HAO1: variants seen among roughly 807,000 people sequenced by gnomAD.
HAO1 encodes hydroxyacid oxidase 1.
A neutral mutation model predicts 39.7 loss-of-function variants in HAO1; 34 were observed. That is an observed-to-expected ratio of 0.86 (90% CI 0.65 to 1.14). The LOEUF (loss-of-function observed/expected upper bound fraction) is 1.14. Ranked by LOEUF, HAO1 falls within the 50% of genes most tolerant of loss-of-function variation. The pLI, the probability that HAO1 is intolerant of heterozygous loss-of-function variation, is 0.00. For missense variants in HAO1, 479 were observed against 464.5 expected (o/e 1.03, Z -0.29); for synonymous variants, 172 against 173.2 (o/e 0.99, Z 0.05).
intron 2 of HAO1, among the ~76,000 whole-genome samples, chr20:7,930,686 T>C (rs2050381658): frequency 6.6e-6 from 1 of 152,148 alleles, no homozygotes; most frequent in Non-Finnish European, 1.5e-5. Context: ...TGGGTGACCA[T>C]ATTAGAAAAT....
In HAO1 at chr20:7,934,503, G is replaced by T. The variant is rs781768356; in HGVS notation, c.270C>A (p.Gly90=). 1.9e-6 allele frequency: 3 copies of T among 1,611,022 alleles called. No individual in the cohort carries two copies. Among genetic ancestry groups the T allele is most frequent in the Non-Finnish European group, 2.5e-6 (3 of 1,178,892 alleles). Residue 90 remains glycine, a synonymous_variant, in exon 2 of 8, where the codon GGC becomes GGA. Transcript: ENST00000378789. The part of the protein sequence containing the change: ...TAMQRMAHVD[G]ELATVRACQS... ...TCCTACCTCTCACAGTGGCAAGCTC[G>T]CCGTCCACATGAGCCATGCGCTGCA...
At chr20:7,895,246 C>T in intron 4 of HAO1, 22 bp from the exon 5 acceptor site, 1 of 1,498,844 alleles carries the variant, frequency 6.7e-7, no homozygotes, top group African/African-American at 1.4e-5. Context: ...AAAACAAGCA[C>T]CTTAGGGAAA....
At chr20:7,936,412 T>C (rs185579567) in intron 1 of HAO1, among the ~76,000 whole-genome samples, 12 of 152,168 alleles carry the variant, frequency 7.9e-5, no homozygotes, top group Admixed American at 6.5e-4. Context: ...GCCATTGGCA[T>C]GCCAGCCTTG....
At chr20:7,895,594 C>CAAAAAAAA (rs775878126) in intron 4 of HAO1, among the ~76,000 whole-genome samples, 5 of 123,802 alleles carry the variant, frequency 4.0e-5, no homozygotes, top group African/African-American at 1.6e-4. Context: ...TTTGGATAGC[C>CAAAAAAAA]AAAAAAAAAA....
At chr20:7,907,657 C>T (rs2050254697) in intron 3 of HAO1, among the ~76,000 whole-genome samples, 1 of 152,134 alleles carries the variant, frequency 6.6e-6, no homozygotes, top group South Asian at 2.1e-4. Context: ...GTTGACCCAG[C>T]TTAGCCCAGT....
At chr20:7,935,900 T>A (rs1376955568) in intron 1 of HAO1, among the ~76,000 whole-genome samples, 1 of 152,214 alleles carries the variant, frequency 6.6e-6, no homozygotes, top group East Asian at 1.9e-4. Flanking sequence ...CATGCATATC[T>A]AACCAGCATT....
chr20:7,940,431 G>A lies in HAO1; in HGVS notation c.-9C>T. 4 of 1,589,804 alleles carry A rather than the reference G, an allele frequency of 2.5e-6. No homozygotes were observed. The South Asian group carries it at 3.5e-5, about 14-fold the overall frequency. On this transcript the variant is annotated 5_prime_UTR_variant, in exon 1 of 8. Transcript: ENST00000378789. Reference sequence around the variant, plus strand: ...ATTAGCCGGGGGAGCATTTTCACAGGTTATTGCTATCCCAGATGGAGTTCG... The same window carrying A: ...ATTAGCCGGGGGAGCATTTTCACAGATTATTGCTATCCCAGATGGAGTTCG...
chr20:7,912,895 C>A (rs1283935927), intron 3 of HAO1, among the ~76,000 whole-genome samples: 1 of 152,148 alleles, frequency 6.6e-6, no homozygotes, highest in Non-Finnish European at 1.5e-5. Flanking sequence ...ACAGCTAATT[C>A]ACACATGGCT....
At chr20:7,900,015 A>G (rs1266192496) in intron 4 of HAO1, among the ~76,000 whole-genome samples, 1 of 152,178 alleles carries the variant, frequency 6.6e-6, no homozygotes, top group Non-Finnish European at 1.5e-5. Flanking sequence ...AAACGTAAGT[A>G]CTCAAGATTT....
At chr20:7,937,856 C>T (rs1348266417) in intron 1 of HAO1, among the ~76,000 whole-genome samples, 1 of 151,988 alleles carries the variant, frequency 6.6e-6, no homozygotes, top group Non-Finnish European at 1.5e-5. Context: ...TTTACTTGTC[C>T]TTTTAAACAT....
chr20:7,883,242 T>G lies in HAO1; in HGVS notation c.*351A>C. 7.5e-6 allele frequency: 2 copies of G among 266,284 alleles called. No individual in the cohort carries two copies. The highest frequency in any genetic ancestry group is 7.4e-6 in the Non-Finnish European group (1 of 135,834). 16.5% of individuals were successfully genotyped at this position (266,284 alleles called of 1,614,324 possible). A position where few individuals can be genotyped will look rare whatever the true frequency, so the allele number is the denominator to read the frequency against. Reference sequence around the variant, plus strand: ...AAACAGAATACAGGTTAATAAACAATGAGATCATTATCTTTTCACCTTAGT... The same window carrying G: ...AAACAGAATACAGGTTAATAAACAAGGAGATCATTATCTTTTCACCTTAGT... On this transcript the variant is annotated 3_prime_UTR_variant, in exon 8 of 8. Transcript: ENST00000378789.
chr20:7,898,639 C>T lies in HAO1; in HGVS notation c.722-3415G>A, dbSNP rs547950894. Among the ~76,000 whole-genome samples the T allele has an allele frequency of 2.6e-5, 4 of 152,250 alleles. No homozygotes were observed. The South Asian group carries it at 8.3e-4, about 32-fold the overall frequency. On this transcript the variant is annotated intron_variant, in intron 4 of 7. Transcript: ENST00000378789. ...ATAATAAAAATGTTCTAGATCTGTG[C>T]ACTTCCATCATACAGTACCACTAGT... is the stretch of plus-strand genomic sequence containing the variant.
chr20:7,907,529 C>T (rs1313158892), intron 3 of HAO1, among the ~76,000 whole-genome samples: 3 of 152,124 alleles, frequency 2.0e-5, no homozygotes, highest in African/African-American at 4.8e-5. Flanking sequence ...AGCAGTATTC[C>T]CTTCACCTTC....
chr20:7,936,967 C>A (rs1171119095), intron 1 of HAO1, among the ~76,000 whole-genome samples: 1 of 152,084 alleles, frequency 6.6e-6, no homozygotes, highest in Admixed American at 6.5e-5. Flanking sequence ...TCACTATATT[C>A]TCGGACTGTG....
In HAO1 at chr20:7,917,373, A is replaced by T. The variant is rs74879685; in HGVS notation, c.290-2954T>A. 5.8e-3 allele frequency among the ~76,000 whole-genome samples: 868 copies of T among 150,114 alleles called. 11 individuals carry two copies. The highest frequency in any genetic ancestry group is 0.019 in the African/African-American group (774 of 40,696). On this transcript the variant is annotated intron_variant, in intron 2 of 7. Transcript: ENST00000378789. The stretch of plus-strand genomic sequence containing the variant: ...AAAAAAAAAAAAAGTCCTGAAGAGG[A>T]TGTTACCTAAGGTCACACAGAAATG...
Position 7,897,157 on chromosome 20 carries a change from A to G in HAO1, c.722-1933T>C, listed in dbSNP as rs2050201435. Among the ~76,000 whole-genome samples the G allele has an allele frequency of 2.0e-5, 3 of 152,222 alleles. No individual in the cohort carries two copies. In the South Asian group the frequency reaches 6.2e-4, roughly 31 times the overall value. Reference sequence around the variant, plus strand: ...TAAAGACATCAGTCCATTGTCTTCTAGTACCCATTGCTGATGCAAGGACTG... The same window carrying G: ...TAAAGACATCAGTCCATTGTCTTCTGGTACCCATTGCTGATGCAAGGACTG... On this transcript the variant is annotated intron_variant, in intron 4 of 7. Transcript: ENST00000378789.
At chr20:7,903,615 G>A (rs1017615824) in intron 4 of HAO1, among the ~76,000 whole-genome samples, 1 of 151,396 alleles carries the variant, frequency 6.6e-6, no homozygotes, top group African/African-American at 2.4e-5. Flanking sequence ...GGTGGTCATA[G>A]TGGTGATGGG....
At chr20:7,906,451 TAA>T (rs2050248748) in intron 3 of HAO1, 122 bp from the exon 4 acceptor site, 1 of 636,414 alleles carries the variant, frequency 1.6e-6, no homozygotes, top group Non-Finnish European at 2.8e-6. Flanking sequence ...CATTTATCTA[TAA>T]GTCAATTGCA....
At chr20:7,935,824 A>T (rs571951721) in intron 1 of HAO1, among the ~76,000 whole-genome samples, 7 of 152,278 alleles carry the variant, frequency 4.6e-5, no homozygotes, top group African/African-American at 1.7e-4. Context: ...GTACTGATTA[A>T]AATTGAAGAA....
Sources: allele counts gnomAD v4.1 joint callset (sites outside exome capture counted in the v4.1 genomes callset), GRCh38; gene constraint gnomAD v4.1.1; transcripts MANE v1.5; gene names NCBI Gene and HGNC (gene_info 2026-07-23, HGNC 2026-07-21).